The following GRM7 variants were observed in gnomAD, a reference collection of about 807,000 sequenced individuals.
GRM7 encodes the protein glutamate metabotropic receptor 7.
GRM7 carries 35 observed loss-of-function variants against 84.5 expected under a neutral mutation model. The observed-to-expected ratio is 0.41, with a 90% CI of 0.32 to 0.55. The LOEUF (loss-of-function observed/expected upper bound fraction) is 0.55. Ranked by LOEUF, GRM7 falls within the 20% of genes least tolerant of loss-of-function variation. The pLI is 0.19. For missense variants in GRM7, 1,003 were observed against 1,194.6 expected (o/e 0.84, Z 2.36); for synonymous variants, 487 against 455.1 (o/e 1.07, Z -0.89).
At chr3:6,874,000 G>A (rs1349432072) in intron 1 of GRM7, among the ~76,000 whole-genome samples, 1 of 152,238 alleles carries the variant, frequency 6.6e-6, no homozygotes, top group Non-Finnish European at 1.5e-5. Context: ...TTTAGTAATT[G>A]AGACCAAGCC....
At position 7,093,676 on chromosome 3, in the gene GRM7, C is replaced by CAAAAAAAAAAAAAAAAAAA. The variant is rs1209938099; in HGVS notation, c.520-52756_520-52738dup. On this transcript the variant is annotated intron_variant, in intron 1 of 9. Coordinates refer to ENST00000357716, the MANE Select transcript of GRM7 (RefSeq NM_000844.4). The stretch of plus-strand genomic sequence containing the variant: ...TGGGCGATAGAGCAAGACTCTGTCT[C>CAAAAAAAAAAAAAAAAAAA]AAAAAAAAAAAAAAAAAAAAAAAAA... 1.4e-4 allele frequency among the ~76,000 whole-genome samples: 2 copies of CAAAAAAAAAAAAAAAAAAA among 13,940 alleles called. 1 individual carries two copies. Among genetic ancestry groups the CAAAAAAAAAAAAAAAAAAA allele is most frequent in the African/African-American group, 5.5e-4 (2 of 3,644 alleles). 9.1% of individuals were successfully genotyped at this position (13,940 alleles called of 152,430 possible).
At chr3:7,408,275 A>G (rs1395383574) in intron 4 of GRM7, among the ~76,000 whole-genome samples, 4 of 152,226 alleles carry the variant, frequency 2.6e-5, no homozygotes, top group Admixed American at 6.5e-5. Context: ...GGGATAAAAA[A>G]TGACAGGCAC....
intron 7 of GRM7, among the ~76,000 whole-genome samples, chr3:7,511,607 A>G (rs1464020535): frequency 6.6e-6 from 1 of 152,214 alleles, no homozygotes; most frequent in Non-Finnish European, 1.5e-5. Context: ...TGCCAAAGTG[A>G]CTGAACACCT....
chr3:7,349,663 T>C (rs932525342), intron 4 of GRM7, among the ~76,000 whole-genome samples: 13 of 152,288 alleles, frequency 8.5e-5, no homozygotes, highest in African/African-American at 3.1e-4. Flanking sequence ...CAAATCATTC[T>C]GGAACGAGGT....
chr3:7,569,210 C>G (rs1319554942), intron 7 of GRM7, among the ~76,000 whole-genome samples: 1 of 152,182 alleles, frequency 6.6e-6, no homozygotes, highest in Non-Finnish European at 1.5e-5. Context: ...AATCTACACT[C>G]TGTATCTAAC....
intron 2 of GRM7, among the ~76,000 whole-genome samples, chr3:7,250,764 TC>T (rs1697954342): frequency 6.6e-6 from 1 of 152,158 alleles, no homozygotes; most frequent in African/African-American, 2.4e-5. Flanking sequence ...CCTCAAGTGA[TC>T]CACCCACCTC....
At position 7,460,700 on chromosome 3, in the gene GRM7, C is replaced by T. The variant is rs547918891; in HGVS notation, c.1376-883C>T. 3.3e-5 allele frequency among the ~76,000 whole-genome samples: 5 copies of T among 152,182 alleles called. 1 individual carries two copies. In the South Asian group the frequency reaches 6.2e-4, roughly 19 times the overall value. On this transcript the variant is annotated intron_variant, in intron 6 of 9. Transcript: ENST00000357716. ...CTCAGTTACTGAATGTTTTGTGATT[C>T]GTTTGTAACTATTGCTGAAACTAAC...
intron 1 of GRM7, among the ~76,000 whole-genome samples, chr3:6,989,344 T>A (rs946599424): frequency 1.6e-4 from 25 of 152,228 alleles, no homozygotes; most frequent in African/African-American, 6.0e-4. Context: ...TGCATTTTTT[T>A]AAAGGTTATC....
intron 1 of GRM7, among the ~76,000 whole-genome samples, chr3:7,104,358 C>G (rs993566352): frequency 6.6e-6 from 1 of 151,668 alleles, no homozygotes; most frequent in Non-Finnish European, 1.5e-5. Flanking sequence ...CTTTCAGTTT[C>G]TAGACTGTGA....
intron 1 of GRM7, among the ~76,000 whole-genome samples, chr3:6,879,613 A>G (rs954759162): frequency 6.6e-6 from 1 of 152,198 alleles, no homozygotes; most frequent in Non-Finnish European, 1.5e-5. Flanking sequence ...GATGTTGTGA[A>G]TAGTATCAGG....
At chr3:7,230,928 A>C (rs558618323) in intron 2 of GRM7, among the ~76,000 whole-genome samples, 19 of 152,188 alleles carry the variant, frequency 1.2e-4, no homozygotes, top group Non-Finnish European at 2.4e-4. Context: ...GGTCATTACC[A>C]TCTCAATTGG....
chr3:7,185,297 G>A (rs1270503135), intron 2 of GRM7, among the ~76,000 whole-genome samples: 2 of 152,164 alleles, frequency 1.3e-5, no homozygotes, highest in African/African-American at 4.8e-5. Context: ...CAGTGCCACT[G>A]CCAACGAGAG....
intron 1 of GRM7, among the ~76,000 whole-genome samples, chr3:6,932,375 G>T (rs951224512): frequency 3.3e-5 from 5 of 152,060 alleles, no homozygotes; most frequent in African/African-American, 1.2e-4. Context: ...TTGTCCATTT[G>T]CAAAGGTCAG....
intron 1 of GRM7, among the ~76,000 whole-genome samples, chr3:7,099,166 G>A (rs1422725435): frequency 6.7e-6 from 1 of 149,988 alleles, no homozygotes; most frequent in Non-Finnish European, 1.5e-5. Context: ...GCCCAAAGAA[G>A]TTCGCAGGTT....
chr3:6,935,487 T>C (rs1697654729), intron 1 of GRM7, among the ~76,000 whole-genome samples: 3 of 151,874 alleles, frequency 2.0e-5, no homozygotes, highest in Non-Finnish European at 1.5e-5. Context: ...ATATATATTC[T>C]TTGTGACAGT....
At chr3:6,866,915 T>G (rs1448154343) in intron 1 of GRM7, among the ~76,000 whole-genome samples, 2 of 152,184 alleles carry the variant, frequency 1.3e-5, no homozygotes, top group Non-Finnish European at 2.9e-5. Context: ...ATGGGAACAC[T>G]ATCTCCTCTC....
rs1279369276 is a variant in GRM7 at position 7,151,202 on chromosome 3, A to T, written c.736+4534A>T. 6.6e-6 allele frequency among the ~76,000 whole-genome samples: 1 copy of T among 152,144 alleles called. No homozygotes were observed. Among genetic ancestry groups the T allele is most frequent in the African/African-American group, 2.4e-5 (1 of 41,450 alleles). On this transcript the variant is annotated intron_variant, in intron 2 of 9. Coordinates refer to ENST00000357716, the MANE Select transcript of GRM7 (RefSeq NM_000844.4). The surrounding 1 kb of genome is among the most constrained non-coding windows in gnomAD (Gnocchi z 4.5). ...GAGGAAGATTTGATTAACTGTTATT[A>T]ACTGTTATTCAGCCTTCAGTTTTTT... is the stretch of plus-strand genomic sequence containing the variant.
At chr3:7,212,298 C>T (rs181927509) in intron 2 of GRM7, among the ~76,000 whole-genome samples, 4 of 150,848 alleles carry the variant, frequency 2.7e-5, no homozygotes, top group Non-Finnish European at 4.4e-5. Context: ...ACCTGGTTTT[C>T]CTAATTCTTC....
At chr3:6,926,641 C>T (rs1697307484) in intron 1 of GRM7, among the ~76,000 whole-genome samples, 4 of 152,190 alleles carry the variant, frequency 2.6e-5, no homozygotes, top group South Asian at 4.1e-4. Context: ...CTACAATGAG[C>T]AGGTGCTCCC....
Sources: gnomAD v4.1 joint callset for allele counts (sites outside exome capture counted in the v4.1 genomes callset) on GRCh38, gnomAD v4.1.1 for gene constraint, Gnocchi (gnomAD v3.1) non-coding constraint, MANE v1.5 for transcripts, NCBI Gene and HGNC (gene_info 2026-07-23, HGNC 2026-07-21) for gene names.